CORO1C: variants seen among roughly 807,000 people sequenced by gnomAD.
CORO1C encodes the protein coronin 1C, also known as coronin-1C.
In CORO1C, 14 loss-of-function variants were observed where a neutral mutation model predicts 51.2. That is an observed-to-expected ratio of 0.27 (90% CI 0.18 to 0.43). CORO1C has a LOEUF of 0.43. Among genes scored for constraint, CORO1C ranks in the 20% least tolerant of loss-of-function variants. The pLI is 1.00. For missense variants in CORO1C, 417 were observed against 607.8 expected (o/e 0.69, Z 3.30); for synonymous variants, 181 against 210.5 (o/e 0.86, Z 1.21).
intron 8 of CORO1C, 75 bp downstream of exon 8, chr12:108,652,197 A>T: frequency 6.5e-6 from 9 of 1,393,076 alleles, no homozygotes; most frequent in Non-Finnish European, 6.0e-6. Flanking sequence ...GATCTGAAGT[A>T]TATGCTAGTC....
At chr12:108,710,853 C>G (rs151223348) in intron 1 of CORO1C, among the ~76,000 whole-genome samples, 1 of 152,156 alleles carries the variant, frequency 6.6e-6, no homozygotes, top group South Asian at 2.1e-4. Context: ...TGAGCCACCG[C>G]GCCTGGCCTA....
chr12:108,687,813 AAAAAAAG>A (rs2034352526), intron 2 of CORO1C, among the ~76,000 whole-genome samples: 1 of 152,246 alleles, frequency 6.6e-6, no homozygotes. Flanking sequence ...AATTAAAATT[AAAAAAAG>A]AAAAAAGAAG....
chr12:108,720,586 C>T (rs371181123), intron 1 of CORO1C, among the ~76,000 whole-genome samples: 8 of 151,730 alleles, frequency 5.3e-5, no homozygotes, highest in African/African-American at 1.7e-4. Context: ...TGCAGTGGTG[C>T]GATCTCAGTT....
intron 3 of CORO1C, among the ~76,000 whole-genome samples, chr12:108,669,426 T>C (rs1565910736): frequency 6.6e-6 from 1 of 152,184 alleles, no homozygotes; most frequent in Non-Finnish European, 1.5e-5. Flanking sequence ...CAGTCCATTA[T>C]ACGTTTACAG....
In CORO1C at chr12:108,678,773, A is replaced by G. The variant is rs117385557; in HGVS notation, c.196-379T>C. ...TGGTATTATTCAAAATGTTAATACA[A>G]TAAGACAATATCCTCCAATATATAA... is the stretch of plus-strand genomic sequence containing the variant. On this transcript the variant is annotated intron_variant, in intron 2 of 10. Coordinates refer to ENST00000261401, the MANE Select transcript of CORO1C (RefSeq NM_014325.4). 6.2e-3 allele frequency among the ~76,000 whole-genome samples: 944 copies of G among 152,066 alleles called. 6 individuals are homozygous for G. The highest frequency in any genetic ancestry group is 1.0e-2 in the Non-Finnish European group (677 of 67,990).
intron 2 of CORO1C, among the ~76,000 whole-genome samples, chr12:108,690,036 G>T (rs1020203278): frequency 5.3e-5 from 8 of 152,086 alleles, no homozygotes; most frequent in African/African-American, 1.9e-4. Flanking sequence ...TTATTTATGT[G>T]GATACATGTT....
chr12:108,706,339 C>A (rs1261153692), intron 1 of CORO1C, among the ~76,000 whole-genome samples: 1 of 152,090 alleles, frequency 6.6e-6, no homozygotes, highest in East Asian at 1.9e-4. Flanking sequence ...TATTCAATGG[C>A]GAAAGATGCC....
chr12:108,672,657 GT>G (rs201309211), intron 3 of CORO1C, among the ~76,000 whole-genome samples: 8,798 of 143,862 alleles, frequency 0.061, 509 homozygotes, highest in East Asian at 0.32. Flanking sequence ...TTTTTGTTTT[GT>G]TTTTTTTTTT....
At chr12:108,662,962 ACT>A (rs2033331876) in intron 3 of CORO1C, among the ~76,000 whole-genome samples, 1 of 152,072 alleles carries the variant, frequency 6.6e-6, no homozygotes, top group Non-Finnish European at 1.5e-5. Flanking sequence ...TATAGAAAGA[ACT>A]CTTAGAATTC....
chr12:108,719,006 G>C (rs2035409388), intron 1 of CORO1C, among the ~76,000 whole-genome samples: 1 of 152,148 alleles, frequency 6.6e-6, no homozygotes, highest in African/African-American at 2.4e-5. Context: ...GGAAACATTT[G>C]GGCTAAATAT....
chr12:108,677,685 T>C (rs1471128257), intron 3 of CORO1C, among the ~76,000 whole-genome samples: 1 of 152,174 alleles, frequency 6.6e-6, no homozygotes, highest in Non-Finnish European at 1.5e-5. Context: ...GTCACTTTAC[T>C]TTCCCTAAAA....
rs751523459 is a variant in CORO1C at position 108,647,423 on chromosome 12, T to A, written c.1405A>T (p.Met469Leu). ...DERISKLEQQ[M>L]AKIAA ...GACCTTCAGGCTGCTATCTTTGCCA[T>A]CTGCTGTTCTAACTTGGAAATACGC... The change falls in exon 11 of 11, where the codon ATG becomes TTG. Residue 469 changes from methionine (M) to leucine (L), a missense_variant. Physicochemically the swap from Met to Leu is conservative, Grantham distance 15. Transcript: ENST00000261401. 6.2e-7 allele frequency: 1 copy of A among 1,613,816 alleles called. No homozygotes were observed. The highest frequency in any genetic ancestry group is 8.5e-7 in the Non-Finnish European group (1 of 1,179,862).
chr12:108,682,618 A>G (rs1184538180), intron 2 of CORO1C, among the ~76,000 whole-genome samples: 5 of 152,222 alleles, frequency 3.3e-5, no homozygotes, highest in African/African-American at 9.6e-5. Context: ...TTAAGAAATT[A>G]AACAGACAAA....
intron 3 of CORO1C, among the ~76,000 whole-genome samples, chr12:108,677,735 A>T (rs1461752304): frequency 6.6e-6 from 1 of 152,228 alleles, no homozygotes; most frequent in Non-Finnish European, 1.5e-5. Flanking sequence ...ATAAGCACAT[A>T]CACAAACACA....
intron 6 of CORO1C, among the ~76,000 whole-genome samples, chr12:108,656,846 G>A (rs1347140378): frequency 6.6e-6 from 1 of 152,158 alleles, no homozygotes; most frequent in Non-Finnish European, 1.5e-5. Flanking sequence ...GATGCTTGAA[G>A]GCAGCATGCT....
chr12:108,682,713 T>C (rs928734842), intron 2 of CORO1C, among the ~76,000 whole-genome samples: 1 of 152,154 alleles, frequency 6.6e-6, no homozygotes, highest in Non-Finnish European at 1.5e-5. Flanking sequence ...CATTTAAAAA[T>C]ACACTTTTTT....
intron 10 of CORO1C, 81 bp downstream of exon 10, chr12:108,648,524 G>A (rs1402040174): frequency 5.1e-6 from 8 of 1,581,184 alleles, no homozygotes; most frequent in South Asian, 1.1e-5. Flanking sequence ...GACAGTACTC[G>A]CCGACGCCCT....
chr12:108,709,808 T>C (rs2035128920), intron 1 of CORO1C, among the ~76,000 whole-genome samples: 1 of 152,190 alleles, frequency 6.6e-6, no homozygotes, highest in African/African-American at 2.4e-5. Context: ...ATTTTAAATG[T>C]CCTGTCAGAG....
chr12:108,671,881 G>A (rs2033732624), intron 3 of CORO1C, among the ~76,000 whole-genome samples: 1 of 152,084 alleles, frequency 6.6e-6, no homozygotes, highest in Non-Finnish European at 1.5e-5. Context: ...TCCCACCTCA[G>A]GCTCCCAAGC....
Sources: allele counts gnomAD v4.1 joint callset (sites outside exome capture counted in the v4.1 genomes callset), GRCh38; gene constraint gnomAD v4.1.1; transcripts MANE v1.5; gene names NCBI Gene and HGNC (gene_info 2026-07-23, HGNC 2026-07-21).